REXO1: variants seen among roughly 807,000 people sequenced by gnomAD.
REXO1 encodes the protein RNA exonuclease 1 homolog.
A neutral mutation model predicts 102.6 loss-of-function variants in REXO1; 42 were observed. The ratio of observed to expected loss-of-function variants is 0.41; its 90% CI spans 0.32 to 0.53. The LOEUF (loss-of-function observed/expected upper bound fraction) is 0.53. Ranked by LOEUF, REXO1 falls within the 20% of genes least tolerant of loss-of-function variation. REXO1 has a pLI of 0.27. For synonymous variants in REXO1, 908 were observed against 779.1 expected, an observed-to-expected ratio of 1.17 and a Z score of -2.76; for missense variants, 1,819 against 1,732.5, an observed-to-expected ratio of 1.05 and a Z score of -0.89.
rs765073215 is a variant in REXO1, at chr19:1,816,255, C to T, written c.3547G>A (p.Asp1183Asn). ...TCCTGGATGATCTGTCTGAGGTAGTCGGCCATGAGGTTCCGCAGGGACCGC... is the reference window on the plus strand; with the variant it reads ...TCCTGGATGATCTGTCTGAGGTAGTTGGCCATGAGGTTCCGCAGGGACCGC... Reference protein sequence around the residue: ...YKRSLRNLMADYLRQIIQDNV... With the variant: ...YKRSLRNLMANYLRQIIQDNV... Residue 1183 changes from aspartate (D) to asparagine (N), a missense_variant, in exon 15 of 16, where the codon GAC (aspartate) becomes AAC (asparagine). By Grantham distance (23) the Asp-to-Asn change is conservative (BLOSUM62 1). Coordinates refer to ENST00000170168, the MANE Select transcript of REXO1 (RefSeq NM_020695.4). The T allele has an allele frequency of 1.1e-5, 18 of 1,589,154 alleles. No homozygotes were observed. Among genetic ancestry groups the T allele is most frequent in the Admixed American group, 1.8e-5 (1 of 56,268 alleles).
Position 1,848,374 on chromosome 19 carries a change from G to T in REXO1, c.-16C>A. The T allele has an allele frequency of 1.7e-6, 2 of 1,206,030 alleles. No homozygotes were observed. Among genetic ancestry groups the T allele is most frequent in the Non-Finnish European group, 1.0e-6 (1 of 965,468 alleles). 74.7% of individuals were successfully genotyped at this position (1,206,030 alleles called of 1,614,324 possible). The stretch of plus-strand genomic sequence containing the variant: ...AGCGTAGCATGGTCCGTCCCGCGGC[G>T]GGGCCCCGGCCCGGAGCCGCCCGGG... On this transcript the variant is annotated 5_prime_UTR_variant, in exon 1 of 16. Transcript: ENST00000170168.
At chr19:1,837,076 A>G (rs539889473) in intron 1 of REXO1, among the ~76,000 whole-genome samples, 23 of 152,252 alleles carry the variant, frequency 1.5e-4, no homozygotes, top group Non-Finnish European at 3.2e-4. Context: ...GGACATTCCC[A>G]AAACAGCCAC....
chr19:1,839,854 C>A (rs2011209508), intron 1 of REXO1, among the ~76,000 whole-genome samples: 1 of 152,242 alleles, frequency 6.6e-6, no homozygotes, highest in Non-Finnish European at 1.5e-5. Flanking sequence ...CCTCACCTCA[C>A]TCCACCTCCT....
At chr19:1,834,681 G>A (rs772234922) in intron 1 of REXO1, among the ~76,000 whole-genome samples, 1 of 152,190 alleles carries the variant, frequency 6.6e-6, no homozygotes, top group Non-Finnish European at 1.5e-5. Context: ...GCCTCCCAAA[G>A]CACTGCTTGT....
intron 1 of REXO1, among the ~76,000 whole-genome samples, chr19:1,845,448 G>C (rs2011493884): frequency 6.6e-6 from 1 of 152,194 alleles, no homozygotes; most frequent in Admixed American, 6.5e-5. Context: ...AGGATCGCTT[G>C]AGTCCAGGAG....
At position 1,826,843 on chromosome 19, in the gene REXO1, T is replaced by G; in HGVS notation, c.1911+35A>C. The G allele has an allele frequency of 1.3e-6, 2 of 1,550,028 alleles. No individual in the cohort carries two copies. Among genetic ancestry groups the G allele is most frequent in the Non-Finnish European group, 1.7e-6 (2 of 1,148,888 alleles). ...CTCACCAGGCCCTCGGCTCTGCCTC[T>G]GCCCGAGCCCAGCCCCAGCACCCGC... On this transcript the variant is annotated intron_variant, in intron 2 of 15. Coordinates refer to ENST00000170168, the MANE Select transcript of REXO1 (RefSeq NM_020695.4). This position sits in a 1 kb window ranked among gnomAD's most constrained non-coding sequence, Gnocchi z 4.3.
intron 4 of REXO1, chr19:1,823,184 C>T (rs2069600283): frequency 4.6e-6 from 1 of 217,396 alleles, no homozygotes; most frequent in Non-Finnish European, 9.0e-6. Flanking sequence ...TCATTTCCAT[C>T]AGAGGCCACG....
At chr19:1,846,513 G>A (rs571947207) in intron 1 of REXO1, among the ~76,000 whole-genome samples, 1 of 152,330 alleles carries the variant, frequency 6.6e-6, no homozygotes, top group South Asian at 2.1e-4. Flanking sequence ...GGGGCAGACA[G>A]GAAGACGACA....
At position 1,821,586 on chromosome 19, in the gene REXO1, G is replaced by A. The variant is rs139245703; in HGVS notation, c.2327C>T (p.Ser776Leu). 8.4e-5 allele frequency: 135 copies of A among 1,613,918 alleles called. No individual in the cohort carries two copies. Among genetic ancestry groups the A allele is most frequent in the Non-Finnish European group, 9.7e-5 (115 of 1,179,906 alleles). The change falls in exon 5 of 16, where the codon TCG (serine) becomes TTG (leucine). Residue 776 changes from serine (S) to leucine (L), a missense_variant. Physicochemically the swap from Ser to Leu is moderately radical, Grantham distance 145. Transcript: ENST00000170168. ...GGTGGTAGTCTTGGACGCCATCCCC[G>A]ACAATGTGCGTGTTTTCAGCTGCTG... ...GGQQLKTRTL[S>L]GMASKTTTTI...
rs190590421 is a variant in REXO1 at position 1,826,414 on chromosome 19, G to A, written c.1911+464C>T. On this transcript the variant is annotated intron_variant, in intron 2 of 15. Coordinates refer to ENST00000170168, the MANE Select transcript of REXO1 (RefSeq NM_020695.4). This position sits in a 1 kb window ranked among gnomAD's most constrained non-coding sequence, Gnocchi z 4.3. ...GGAGGGAGGGGAGGAGAAAGGAGCC[G>A]GAGGGGATGAGGAGGAGGCAAGGAG... Among the ~76,000 whole-genome samples, 18 of 151,584 alleles carry A rather than the reference G, an allele frequency of 1.2e-4. No individual in the cohort carries two copies. Among genetic ancestry groups the A allele is most frequent in the Non-Finnish European group, 2.2e-4 (15 of 67,844 alleles).
chr19:1,819,870 T>TC, intron 7 of REXO1, 64 bp downstream of exon 7: 2 of 1,478,112 alleles, frequency 1.4e-6, no homozygotes, highest in Non-Finnish European at 1.8e-6. Context: ...CCAGCGAGGG[T>TC]CCCAGCCCAG....
At position 1,827,043 on chromosome 19, in the gene REXO1, GGAGGAT is replaced by G; in HGVS notation, c.1740_1745del (p.Ser588_Ser589del). On this transcript the variant is annotated inframe_deletion, in exon 2 of 16. Coordinates refer to ENST00000170168, the MANE Select transcript of REXO1 (RefSeq NM_020695.4). The stretch of plus-strand genomic sequence containing the variant: ...AGGTGGAGGAGGAGGAGGAGGAGGA[GGAGGAT>G]GGGGCGGGGGAGGGGGGCGGGGAGG... 1 of 1,229,178 alleles carries G rather than the reference GGAGGAT, an allele frequency of 8.1e-7. No individual in the cohort carries two copies. Among genetic ancestry groups the G allele is most frequent in the South Asian group, 1.3e-5 (1 of 77,346 alleles). The allele number at this position is 1,229,178 out of a possible 1,614,324, so 76.1% of individuals were successfully genotyped here.
At position 1,816,215 on chromosome 19, in the gene REXO1, C is replaced by T. The variant is rs773660112; in HGVS notation, c.3577+10G>A. ...GCAGGGACGGCCCCAGGGCAGGCAC[C>T]GGCACTCACCATTGTCCTGGATGAT... is the stretch of plus-strand genomic sequence containing the variant. On this transcript the variant is annotated intron_variant, in intron 15 of 15. Transcript: ENST00000170168. The T allele has an allele frequency of 1.6e-5, 25 of 1,577,298 alleles. No homozygotes were observed. In the East Asian group the frequency reaches 2.3e-4, roughly 15 times the overall value.
chr19:1,826,943 A>G lies in REXO1; in HGVS notation c.1846T>C (p.Cys616Arg), dbSNP rs770361831. The G allele has an allele frequency of 6.3e-7, 1 of 1,581,740 alleles. No individual in the cohort carries two copies. Among genetic ancestry groups the G allele is most frequent in the Admixed American group, 1.8e-5 (1 of 55,990 alleles). Residue 616 changes from cysteine to arginine, a missense_variant, in exon 2 of 16, where the codon TGC becomes CGC. Physicochemically the swap from Cys to Arg is radical, Grantham distance 180 (BLOSUM62 -3). Transcript: ENST00000170168. The surrounding 1 kb of genome is among the most constrained non-coding windows in gnomAD (Gnocchi z 4.3). ...VDFDSDPMEE[C>R]LRIFNESTSV... is the part of the protein sequence containing the mutation. ...GTGGACTCGTTGAAGATCCGCAGGCACTCCTCCATGGGGTCGGAGTCAAAG... is the reference window on the plus strand; with the variant it reads ...GTGGACTCGTTGAAGATCCGCAGGCGCTCCTCCATGGGGTCGGAGTCAAAG...
Position 1,818,776 on chromosome 19 carries a change from G to A in REXO1, c.2832C>T (p.Tyr944=), listed in dbSNP as rs768318265. Residue 944 remains tyrosine (Y), a synonymous_variant, in exon 9 of 16, where the codon TAC becomes TAT. Transcript: ENST00000170168. ...CGGGCCGCTCTGGGTGCGGGAAGGG[G>A]TAGCCGTTCTCCTTGAGCTGGTCCT... is the stretch of plus-strand genomic sequence containing the variant. ...LTQDQLKENG[Y]PFPHPERPGG... is the part of the protein sequence containing the mutation. The A allele has an allele frequency of 3.1e-6, 5 of 1,609,704 alleles. No individual in the cohort carries two copies. The highest frequency in any genetic ancestry group is 1.3e-5 in the African/African-American group (1 of 75,036).
At position 1,821,689 on chromosome 19, in the gene REXO1, G is replaced by A; in HGVS notation, c.2231-7C>T. The A allele has an allele frequency of 6.2e-7, 1 of 1,607,254 alleles. No individual in the cohort carries two copies. Among genetic ancestry groups the A allele is most frequent in the Non-Finnish European group, 8.5e-7 (1 of 1,178,246 alleles). ...CTCTTGGCACCTGTGGGGGCTGGCG[G>A]GGCACAGGGGGTGTGGGCACAGGGC... On this transcript the variant is annotated splice_region_variant and splice_polypyrimidine_tract_variant and intron_variant, in intron 4 of 15. Transcript: ENST00000170168.
intron 1 of REXO1, among the ~76,000 whole-genome samples, chr19:1,831,195 C>G (rs557600075): frequency 6.4e-4 from 97 of 152,320 alleles, no homozygotes; most frequent in Non-Finnish European, 9.1e-4. Flanking sequence ...CCCCGACAGG[C>G]TGATAAGGAG....
chr19:1,825,564 C>T (rs1180243333), intron 3 of REXO1, among the ~76,000 whole-genome samples: 1 of 151,910 alleles, frequency 6.6e-6, no homozygotes, highest in African/African-American at 2.4e-5. Flanking sequence ...TAACCTCTGC[C>T]TCCTGAGTTC....
chr19:1,838,462 A>C (rs1482668635), intron 1 of REXO1, among the ~76,000 whole-genome samples: 2 of 151,750 alleles, frequency 1.3e-5, no homozygotes, highest in African/African-American at 2.4e-5. Context: ...CTACTTAAAA[A>C]AATACAAAAT....
Sources: gnomAD v4.1 joint callset for allele counts (sites outside exome capture counted in the v4.1 genomes callset) on GRCh38, gnomAD v4.1.1 for gene constraint, Gnocchi (gnomAD v3.1) non-coding constraint, MANE v1.5 for transcripts, NCBI Gene and HGNC (gene_info 2026-07-23, HGNC 2026-07-21) for gene names.